KIAA1549L: variants seen among roughly 807,000 people sequenced by gnomAD.
The protein encoded by KIAA1549L is UPF0606 protein KIAA1549L.
In KIAA1549L, 88 loss-of-function variants were observed where a neutral mutation model predicts 160.7. The observed-to-expected ratio is 0.55, with a 90% confidence interval of 0.46 to 0.65. The LOEUF is 0.65. Among genes scored for constraint, KIAA1549L ranks in the 30% least tolerant of loss-of-function variants. KIAA1549L has a pLI of 0.00. For synonymous variants in KIAA1549L, 950 were observed against 976.7 expected, an observed-to-expected ratio of 0.97 and a Z score of 0.51; for missense variants, 2,258 against 2,437.5, an observed-to-expected ratio of 0.93 and a Z score of 1.55.
At position 33,574,300 on chromosome 11, in the gene KIAA1549L, A is replaced by G. The variant is rs575402816; in HGVS notation, c.4231-402A>G. 3.3e-5 allele frequency among the ~76,000 whole-genome samples: 5 copies of G among 152,198 alleles called. No homozygotes were observed. The South Asian group carries it at 1.0e-3, about 32-fold the overall frequency. Reference sequence around the variant, plus strand: ...CAGAGATCTTTTGAATTGCAGACATATAAGTTAATTTTTCTCCCTTTCTGG... The same window carrying G: ...CAGAGATCTTTTGAATTGCAGACATGTAAGTTAATTTTTCTCCCTTTCTGG... On this transcript the variant is annotated intron_variant, in intron 9 of 20. Coordinates refer to ENST00000658780, the MANE Select transcript of KIAA1549L (RefSeq NM_012194.3).
Position 33,542,228 on chromosome 11 carries a change from C to T in KIAA1549L, c.665C>T (p.Pro222Leu). ...TSFSAVPPSQ[P>L]VWAGTSSISK... ...TTCAGTGCTGTCCCCCCATCCCAGCCAGTATGGGCAGGGACTTCCTCCATT... is the reference window on the plus strand; with the variant it reads ...TTCAGTGCTGTCCCCCCATCCCAGCTAGTATGGGCAGGGACTTCCTCCATT... The change falls in exon 2 of 21, where the codon CCA becomes CTA. Residue 222 changes from proline to leucine, a missense_variant. This residue lies in a region of KIAA1549L where 540 missense variants were observed against 465.7 expected (regional missense o/e 1.16). Transcript: ENST00000658780. 2 of 663,178 alleles carry T rather than the reference C, an allele frequency of 3.0e-6. No homozygotes were observed. The highest frequency in any genetic ancestry group is 2.1e-5 in the Admixed American group (1 of 48,436). 41.1% of individuals were successfully genotyped at this position (663,178 alleles called of 1,614,324 possible). A position where few individuals can be genotyped will look rare whatever the true frequency, so the allele number is the denominator to read the frequency against.
chr11:33,419,959 C>T (rs911236368), intron 1 of KIAA1549L, among the ~76,000 whole-genome samples: 27 of 151,710 alleles, frequency 1.8e-4, no homozygotes, highest in African/African-American at 4.1e-4. Context: ...TCAAAGAGAC[C>T]GTATTATAAT....
At chr11:33,522,520 T>C (rs1853520023) in intron 1 of KIAA1549L, among the ~76,000 whole-genome samples, 1 of 152,184 alleles carries the variant, frequency 6.6e-6, no homozygotes, top group Non-Finnish European at 1.5e-5. Flanking sequence ...ACCACTTTTC[T>C]TGTGTGTTTC....
intron 8 of KIAA1549L, among the ~76,000 whole-genome samples, chr11:33,565,087 G>T (rs1590348904): frequency 6.6e-6 from 1 of 152,254 alleles, no homozygotes; most frequent in African/African-American, 2.4e-5. Flanking sequence ...ATGCACTAGG[G>T]GGCTGGTGTC....
intron 1 of KIAA1549L, among the ~76,000 whole-genome samples, chr11:33,401,437 G>A (rs1170129739): frequency 6.6e-6 from 1 of 150,734 alleles, no homozygotes; most frequent in Admixed American, 6.6e-5. Flanking sequence ...TTCCATACAC[G>A]GCTCTTCTGA....
intron 20 of KIAA1549L, chr11:33,665,511 A>G (rs1041799612): frequency 1.3e-5 from 2 of 152,238 alleles, no homozygotes; most frequent in Admixed American, 1.3e-4. Context: ...TGGTTGTCCC[A>G]TAGTCTCTCT....
intron 4 of KIAA1549L, among the ~76,000 whole-genome samples, chr11:33,550,356 C>A (rs933598624): frequency 2.7e-5 from 4 of 148,478 alleles, no homozygotes; most frequent in African/African-American, 9.9e-5. Flanking sequence ...TAAAAAAAAA[C>A]CCTGAACTGT....
intron 15 of KIAA1549L, among the ~76,000 whole-genome samples, chr11:33,615,603 C>G (rs541471198): frequency 6.6e-6 from 1 of 152,118 alleles, no homozygotes; most frequent in Non-Finnish European, 1.5e-5. Context: ...CCATGTTAAA[C>G]AGCAGCCTTT....
chr11:33,538,316 C>T (rs1306121264), intron 1 of KIAA1549L, among the ~76,000 whole-genome samples: 1 of 152,172 alleles, frequency 6.6e-6, no homozygotes, highest in Non-Finnish European at 1.5e-5. Context: ...GACACAAAGC[C>T]TAGCCATATC....
chr11:33,589,471 A>G (rs1267669914), intron 11 of KIAA1549L, among the ~76,000 whole-genome samples: 1 of 152,242 alleles, frequency 6.6e-6, no homozygotes, highest in East Asian at 1.9e-4. Context: ...ACGTATGTTT[A>G]TTGCGGCACT....
intron 10 of KIAA1549L, among the ~76,000 whole-genome samples, chr11:33,576,553 G>A (rs1018340323): frequency 1.3e-5 from 2 of 152,140 alleles, no homozygotes; most frequent in African/African-American, 4.8e-5. Context: ...CTCCAGGTGA[G>A]GAATAAATCA....
intron 14 of KIAA1549L, 81 bp downstream of exon 14, chr11:33,606,903 C>T: frequency 1.6e-6 from 2 of 1,250,448 alleles, no homozygotes; most frequent in Non-Finnish European, 2.2e-6. Context: ...CCTGTGAATA[C>T]TGGGTGCAGA....
chr11:33,409,138 T>C (rs778835598), intron 1 of KIAA1549L, among the ~76,000 whole-genome samples: 1 of 152,002 alleles, frequency 6.6e-6, no homozygotes, highest in Non-Finnish European at 1.5e-5. Context: ...TTTTTTTCTT[T>C]TTTTGGAAGC....
chr11:33,514,822 T>A lies in KIAA1549L; in HGVS notation c.239-26980T>A, dbSNP rs142581845. On this transcript the variant is annotated intron_variant, in intron 1 of 20. Transcript: ENST00000658780. ...GACTCTAGGGTTGTTGTACATGAAA[T>A]GCATGGTAATAATATAAACTTGTCT... 3.3e-4 allele frequency among the ~76,000 whole-genome samples: 51 copies of A among 152,342 alleles called. No homozygotes were observed. In the East Asian group the frequency reaches 9.1e-3, roughly 27 times the overall value.
At chr11:33,651,473 C>T (rs1851882966) in intron 17 of KIAA1549L, among the ~76,000 whole-genome samples, 1 of 115,022 alleles carries the variant, frequency 8.7e-6, no homozygotes, top group Non-Finnish European at 1.7e-5. Context: ...GGCTCTTGTG[C>T]CCTCCTCAGT....
intron 1 of KIAA1549L, among the ~76,000 whole-genome samples, chr11:33,459,576 C>G (rs1851896853): frequency 6.6e-6 from 1 of 152,246 alleles, no homozygotes; most frequent in South Asian, 2.1e-4. Flanking sequence ...AGTTGAAAAG[C>G]CAGTTTCCTG....
chr11:33,430,982 G>T (rs931166339), intron 1 of KIAA1549L, among the ~76,000 whole-genome samples: 9 of 152,168 alleles, frequency 5.9e-5, no homozygotes, highest in African/African-American at 1.4e-4. Flanking sequence ...TCTGGAGTTT[G>T]TTCCTTCTGA....
chr11:33,420,241 T>G (rs199919001), intron 1 of KIAA1549L, among the ~76,000 whole-genome samples: 1 of 149,274 alleles, frequency 6.7e-6, no homozygotes. Context: ...TTTTGTTTTT[T>G]TTTTTTTTTT....
intron 1 of KIAA1549L, among the ~76,000 whole-genome samples, chr11:33,505,201 C>G (rs1318439258): frequency 3.3e-5 from 5 of 152,202 alleles, no homozygotes; most frequent in Admixed American, 6.5e-5. Context: ...TCTCTGTATC[C>G]TCCTGCTCGC....
Sources: gnomAD v4.1 joint callset for allele counts (sites outside exome capture counted in the v4.1 genomes callset) on GRCh38, gnomAD v4.1.1 for gene constraint, gnomAD v4.1.1 regional missense constraint, MANE v1.5 for transcripts, NCBI Gene and HGNC (gene_info 2026-07-23, HGNC 2026-07-21) for gene names.